The following ROBO2 variants were observed in gnomAD, a reference collection of about 807,000 sequenced individuals.
The protein encoded by ROBO2 is roundabout guidance receptor 2, also known as roundabout homolog 2.
A neutral mutation model predicts 160.8 loss-of-function variants in ROBO2; 53 were observed. The ratio of observed to expected loss-of-function variants is 0.33; its 90% CI spans 0.26 to 0.41. The LOEUF is 0.41. Ranked by LOEUF, ROBO2 falls within the 10% of genes least tolerant of loss-of-function variation. The pLI is 1.00. For missense variants in ROBO2, 1,577 were observed against 1,722.4 expected, an observed-to-expected ratio of 0.92 and a Z score of 1.49; for synonymous variants, 664 against 611.7, an observed-to-expected ratio of 1.09 and a Z score of -1.26.
chr3:76,587,103 T>C (rs2086091640), intron 2 of ROBO2, among the ~76,000 whole-genome samples: 1 of 152,220 alleles, frequency 6.6e-6, no homozygotes, highest in Non-Finnish European at 1.5e-5. Context: ...TAGACTTCTG[T>C]CAGCTTTCCT....
At chr3:76,226,611 G>T (rs1027105071) in intron 2 of ROBO2, among the ~76,000 whole-genome samples, 1 of 152,028 alleles carries the variant, frequency 6.6e-6, no homozygotes. Flanking sequence ...TCTCAAGTTA[G>T]ATTATCATGA....
chr3:76,335,921 G>A (rs2073861334), intron 2 of ROBO2, among the ~76,000 whole-genome samples: 1 of 152,152 alleles, frequency 6.6e-6, no homozygotes, highest in Non-Finnish European at 1.5e-5. Context: ...ATTTTATGGG[G>A]ACATTACAAT....
At chr3:77,626,946 A>T (rs2153709640) in intron 23 of ROBO2, among the ~76,000 whole-genome samples, 1 of 152,278 alleles carries the variant, frequency 6.6e-6, no homozygotes, top group Non-Finnish European at 1.5e-5. Flanking sequence ...ATCTGACTCG[A>T]CCACACAGCT....
At chr3:76,452,518 G>A (rs6775668) in intron 2 of ROBO2, among the ~76,000 whole-genome samples, 56,153 of 151,862 alleles carry the variant, frequency 0.37, 10,504 homozygotes, top group Non-Finnish European at 0.4. Context: ...CATTTTATAC[G>A]GCTGCATAGT....
chr3:76,220,867 C>G (rs1359091588), intron 2 of ROBO2, among the ~76,000 whole-genome samples: 1 of 152,210 alleles, frequency 6.6e-6, no homozygotes, highest in Non-Finnish European at 1.5e-5. Context: ...CCACCTTCCT[C>G]TACCACCCAT....
At chr3:77,283,911 T>A (rs945211697) in intron 2 of ROBO2, among the ~76,000 whole-genome samples, 1 of 152,192 alleles carries the variant, frequency 6.6e-6, no homozygotes, top group Non-Finnish European at 1.5e-5. Flanking sequence ...TCTAAATGCA[T>A]CTTGGATCAG....
intron 2 of ROBO2, among the ~76,000 whole-genome samples, chr3:77,212,163 G>A (rs1458437250): frequency 6.6e-6 from 1 of 152,080 alleles, no homozygotes; most frequent in Non-Finnish European, 1.5e-5. Context: ...AATTACCTTG[G>A]GCAGTATGGC....
At chr3:77,435,160 A>T (rs1344474229) in intron 2 of ROBO2, among the ~76,000 whole-genome samples, 2 of 152,010 alleles carry the variant, frequency 1.3e-5, no homozygotes, top group Non-Finnish European at 2.9e-5. Flanking sequence ...TTATTAATAA[A>T]ATAAATTTGT....
chr3:76,736,369 T>C (rs890168170), intron 2 of ROBO2, among the ~76,000 whole-genome samples: 2 of 151,778 alleles, frequency 1.3e-5, no homozygotes, highest in Non-Finnish European at 2.9e-5. Context: ...GTGGATACAA[T>C]TTAGTGTTGT....
intron 2 of ROBO2, among the ~76,000 whole-genome samples, chr3:77,194,080 C>G (rs1377151143): frequency 6.6e-6 from 1 of 152,112 alleles, no homozygotes; most frequent in African/African-American, 2.4e-5. Context: ...TGACAGACAC[C>G]AATGGGCATG....
rs1560141776 is a variant in ROBO2 at position 76,555,426 on chromosome 3, A to AAGAGGAAGGG, written c.110-542588_110-542587insAGAGGAAGGG. 5.2e-5 allele frequency among the ~76,000 whole-genome samples: 5 copies of AAGAGGAAGGG among 96,972 alleles called. 1 individual carries two copies. The highest frequency in any genetic ancestry group is 2.0e-4 in the African/African-American group (5 of 25,124). The allele number at this position is 96,972 out of a possible 152,430, so 63.6% of individuals were successfully genotyped here. A position where few individuals can be genotyped will look rare whatever the true frequency, so the allele number is the denominator to read the frequency against. On this transcript the variant is annotated intron_variant, in intron 2 of 26. Transcript: ENST00000487694. ...AGAAGAAGAAGAAGAAGAAAGAAGG[A>AAGAGGAAGGG]GAAGGGGAAGGGGAAGAGGAAGAGG...
intron 2 of ROBO2, among the ~76,000 whole-genome samples, chr3:76,210,380 A>C (rs549022432): frequency 1.3e-5 from 2 of 152,072 alleles, no homozygotes; most frequent in Non-Finnish European, 2.9e-5. Context: ...AATATTATAC[A>C]CACAGCATTT....
intron 2 of ROBO2, among the ~76,000 whole-genome samples, chr3:76,295,381 A>T (rs1478862198): frequency 2.0e-5 from 3 of 152,108 alleles, no homozygotes; most frequent in Non-Finnish European, 4.4e-5. Context: ...GTAGAGGCAA[A>T]ATTTGTCATC....
intron 5 of ROBO2, among the ~76,000 whole-genome samples, chr3:77,494,574 T>C (rs2086551823): frequency 6.6e-6 from 1 of 151,380 alleles, no homozygotes; most frequent in Admixed American, 6.6e-5. Flanking sequence ...TGAGACTGTC[T>C]GAAAAAGAAA....
At chr3:76,054,459 CT>C (rs2067766116) in intron 2 of ROBO2, among the ~76,000 whole-genome samples, 2 of 152,170 alleles carry the variant, frequency 1.3e-5, no homozygotes, top group Non-Finnish European at 1.5e-5. Context: ...AACTATACCC[CT>C]GTTGTTCACT....
chr3:77,624,659 G>C (rs1409195968), intron 23 of ROBO2, among the ~76,000 whole-genome samples: 1 of 152,156 alleles, frequency 6.6e-6, no homozygotes, highest in Non-Finnish European at 1.5e-5. Context: ...TTTTAACATG[G>C]TAAGTGCCCA....
chr3:77,259,467 CAAT>C (rs1384479690), intron 2 of ROBO2, among the ~76,000 whole-genome samples: 2 of 151,944 alleles, frequency 1.3e-5, no homozygotes, highest in Non-Finnish European at 2.9e-5. Flanking sequence ...AAAAAGAAAA[CAAT>C]AGGTTACTAA....
chr3:77,300,814 G>A (rs1490307451), intron 2 of ROBO2, among the ~76,000 whole-genome samples: 1 of 151,324 alleles, frequency 6.6e-6, no homozygotes, highest in Non-Finnish European at 1.5e-5. Context: ...AGAGTTGGGG[G>A]GCTTATTTTA....
intron 2 of ROBO2, among the ~76,000 whole-genome samples, chr3:76,086,327 C>T (rs80315522): frequency 2.6e-5 from 4 of 152,032 alleles, no homozygotes; most frequent in African/African-American, 4.8e-5. Flanking sequence ...GGTAACCGCC[C>T]CCATGATTCA....
Sources: gnomAD v4.1 joint callset for allele counts (sites outside exome capture counted in the v4.1 genomes callset) on GRCh38, gnomAD v4.1.1 for gene constraint, MANE v1.5 for transcripts, NCBI Gene and HGNC (gene_info 2026-07-23, HGNC 2026-07-21) for gene names.